CNTNAP5: variants seen among roughly 807,000 people sequenced by gnomAD.
The protein encoded by CNTNAP5 is contactin associated protein family member 5.
In CNTNAP5, 72 loss-of-function variants were observed where a neutral mutation model predicts 150.2. The observed-to-expected ratio is 0.48, with a 90% confidence interval of 0.40 to 0.58. The LOEUF is 0.58. Among genes scored for constraint, CNTNAP5 ranks in the 20% least tolerant of loss-of-function variants. CNTNAP5 has a pLI of 0.00. For missense variants in CNTNAP5, 1,636 were observed against 1,626.2 expected (o/e 1.01, Z -0.10); for synonymous variants, 672 against 619.8 (o/e 1.08, Z -1.25).
chr2:124,247,297 C>T (rs980518042), intron 3 of CNTNAP5, among the ~76,000 whole-genome samples: 3 of 151,952 alleles, frequency 2.0e-5, no homozygotes, highest in African/African-American at 4.8e-5. Flanking sequence ...TCATTATATG[C>T]CAAGCACTGT....
intron 12 of CNTNAP5, among the ~76,000 whole-genome samples, chr2:124,618,623 C>T (rs937992996): frequency 7.9e-5 from 12 of 152,058 alleles, no homozygotes; most frequent in African/African-American, 2.4e-4. Context: ...CAACTAGAAT[C>T]GAGAATGCAG....
chr2:124,898,405 A>C (rs1042599177), intron 21 of CNTNAP5, among the ~76,000 whole-genome samples: 1 of 151,464 alleles, frequency 6.6e-6, no homozygotes, highest in Admixed American at 6.6e-5. Flanking sequence ...GCACAAAATT[A>C]TCCTGGATTC....
intron 21 of CNTNAP5, among the ~76,000 whole-genome samples, chr2:124,899,606 A>C (rs1034782472): frequency 2.6e-5 from 4 of 151,458 alleles, no homozygotes; most frequent in Admixed American, 6.6e-5. Context: ...TTTGGATAAG[A>C]TTTTTATGTT....
chr2:124,025,856 T>G, intron 1 of CNTNAP5, 124 bp downstream of exon 1: 1 of 831,728 alleles, frequency 1.2e-6, no homozygotes, highest in Non-Finnish European at 2.0e-6. Flanking sequence ...AAAAAAATGC[T>G]GATCAGTGTG....
chr2:124,659,270 C>CTG (rs1170044322), intron 13 of CNTNAP5, among the ~76,000 whole-genome samples: 3 of 151,978 alleles, frequency 2.0e-5, no homozygotes, highest in African/African-American at 4.8e-5. Flanking sequence ...AGTGGGTTTT[C>CTG]TGTGTGTGTG....
rs1681891304 is a variant in CNTNAP5 at position 124,798,308 on chromosome 2, C to T, written c.3205C>T (p.Leu1069Phe). The T allele has an allele frequency of 6.2e-7, 1 of 1,611,534 alleles. No homozygotes were observed. Among genetic ancestry groups the T allele is most frequent in the Non-Finnish European group, 8.5e-7 (1 of 1,177,658 alleles). Residue 1069 changes from leucine (L) to phenylalanine (F), a missense_variant, in exon 19 of 24, where the codon CTC becomes TTC. Transcript: ENST00000682447. ...TTCTCAGGACTTCGTGGTTGTTCTGCTCTGCAAGAATGGTGAGTGTGATGG... is the reference window on the plus strand; with the variant it reads ...TTCTCAGGACTTCGTGGTTGTTCTGTTCTGCAAGAATGGTGAGTGTGATGG... ...SSSQDFVVVL[L>F]CKNGSLQVRY...
chr2:124,347,528 G>T (rs948386894), intron 3 of CNTNAP5, among the ~76,000 whole-genome samples: 1 of 151,892 alleles, frequency 6.6e-6, no homozygotes, highest in South Asian at 2.1e-4. Context: ...TGCTCCACAT[G>T]GGGTGATTCC....
intron 16 of CNTNAP5, among the ~76,000 whole-genome samples, chr2:124,765,800 A>G (rs1276285275): frequency 3.3e-5 from 5 of 151,978 alleles, no homozygotes; most frequent in Non-Finnish European, 4.4e-5. Flanking sequence ...CACTAAAAAT[A>G]CAAAAATTAT....
intron 3 of CNTNAP5, among the ~76,000 whole-genome samples, chr2:124,267,678 G>A (rs1687645120): frequency 6.6e-6 from 1 of 152,054 alleles, no homozygotes; most frequent in Admixed American, 6.6e-5. Flanking sequence ...GACTTGCATT[G>A]TTTATACAGC....
At chr2:124,887,383 C>T (rs1332552758) in intron 21 of CNTNAP5, among the ~76,000 whole-genome samples, 3 of 152,002 alleles carry the variant, frequency 2.0e-5, no homozygotes, top group Admixed American at 2.0e-4. Flanking sequence ...GAAATGCTTG[C>T]ACTCCTATTC....
At chr2:124,468,629 C>T (rs1319583691) in intron 6 of CNTNAP5, among the ~76,000 whole-genome samples, 1 of 152,136 alleles carries the variant, frequency 6.6e-6, no homozygotes, top group African/African-American at 2.4e-5. Flanking sequence ...CACCCAGAAG[C>T]AATACTTTGC....
chr2:124,859,404 G>A (rs1182814837), intron 19 of CNTNAP5, among the ~76,000 whole-genome samples: 8 of 152,104 alleles, frequency 5.3e-5, no homozygotes, highest in African/African-American at 1.2e-4. Flanking sequence ...AAAAGTCAGG[G>A]AACAACAGGT....
intron 13 of CNTNAP5, among the ~76,000 whole-genome samples, chr2:124,694,343 C>T (rs575636476): frequency 6.6e-6 from 1 of 152,216 alleles, no homozygotes; most frequent in East Asian, 1.9e-4. Context: ...GACATTTGAA[C>T]CCAAGCAGGC....
chr2:124,427,989 A>G (rs1159842039), intron 4 of CNTNAP5, among the ~76,000 whole-genome samples: 3 of 152,114 alleles, frequency 2.0e-5, no homozygotes, highest in Non-Finnish European at 4.4e-5. Flanking sequence ...CTGTATTTCT[A>G]ACAAGCTCCT....
chr2:124,501,976 G>C (rs1694288939), intron 7 of CNTNAP5, among the ~76,000 whole-genome samples: 1 of 152,180 alleles, frequency 6.6e-6, no homozygotes, highest in African/African-American at 2.4e-5. Flanking sequence ...GGGCAAGAAT[G>C]ATAGAGGGAA....
rs554253904 is a variant in CNTNAP5 at position 124,064,030 on chromosome 2, G to C, written c.82+38298G>C. On this transcript the variant is annotated intron_variant, in intron 1 of 23. Coordinates refer to ENST00000682447, the MANE Select transcript of CNTNAP5 (RefSeq NM_001367498.1). The stretch of plus-strand genomic sequence containing the variant: ...CAGACAACTATGTTATGAACACACA[G>C]ACAGCCAGACTTAGGATGAAGCCGT... Among the ~76,000 whole-genome samples, 26 of 152,266 alleles carry C rather than the reference G, an allele frequency of 1.7e-4. 2 individuals are homozygous for C. The South Asian group carries it at 5.4e-3, about 32-fold the overall frequency.
intron 7 of CNTNAP5, among the ~76,000 whole-genome samples, chr2:124,500,244 G>A (rs897428922): frequency 6.6e-6 from 1 of 152,160 alleles, no homozygotes; most frequent in Non-Finnish European, 1.5e-5. Context: ...TCATGGCACA[G>A]TCGAGCTGAC....
intron 1 of CNTNAP5, among the ~76,000 whole-genome samples, chr2:124,111,850 GTATC>G (rs1324401427): frequency 6.6e-6 from 1 of 152,148 alleles, no homozygotes; most frequent in Non-Finnish European, 1.5e-5. Context: ...TCACTACACT[GTATC>G]TATTCAGGTT....
chr2:124,691,003 C>A (rs1483596469), intron 13 of CNTNAP5, among the ~76,000 whole-genome samples: 1 of 152,062 alleles, frequency 6.6e-6, no homozygotes, highest in African/African-American at 2.4e-5. Flanking sequence ...TACTTTTACA[C>A]AATACAGAAG....
Sources: allele counts gnomAD v4.1 joint callset (sites outside exome capture counted in the v4.1 genomes callset), GRCh38; gene constraint gnomAD v4.1.1; transcripts MANE v1.5; gene names NCBI Gene and HGNC (gene_info 2026-07-23, HGNC 2026-07-21).